The following NXPH2 variants were observed in gnomAD, a reference collection of about 807,000 sequenced individuals.
The protein encoded by NXPH2 is neurexophilin 2.
NXPH2 carries 5 observed loss-of-function variants against 19.8 expected under a neutral mutation model. The observed-to-expected ratio is 0.25, with a 90% CI of 0.13 to 0.53. The LOEUF (loss-of-function observed/expected upper bound fraction) is 0.53, where lower values mean the gene tolerates loss of function less well. NXPH2 is among the 20% of genes least tolerant of loss of function. The pLI, the probability that NXPH2 is intolerant of heterozygous loss-of-function variation, is 0.96. For missense variants in NXPH2, 289 were observed against 322.8 expected, an observed-to-expected ratio of 0.90 and a Z score of 0.80; for synonymous variants, 154 against 127.4, an observed-to-expected ratio of 1.21 and a Z score of -1.41.
At chr2:138,779,618 A>C (rs1682319305) in intron 1 of NXPH2, among the ~76,000 whole-genome samples, 1 of 152,088 alleles carries the variant, frequency 6.6e-6, no homozygotes, top group Admixed American at 6.6e-5. Flanking sequence ...GCCCCATCCC[A>C]GTCCCTAGCG....
chr2:138,762,996 G>A (rs185503861), intron 1 of NXPH2, among the ~76,000 whole-genome samples: 3 of 152,294 alleles, frequency 2.0e-5, no homozygotes, highest in Non-Finnish European at 4.4e-5. Flanking sequence ...TTATAAGCAG[G>A]TGAAGTGATG....
intron 1 of NXPH2, among the ~76,000 whole-genome samples, chr2:138,742,500 T>C (rs569859934): frequency 5.3e-5 from 8 of 152,320 alleles, no homozygotes; most frequent in Middle Eastern, 3.4e-3. Flanking sequence ...ATTTTCTCAC[T>C]AATATTTCTG....
Position 138,677,156 on chromosome 2 carries a change from C to T in NXPH2, c.52-5491G>A, listed in dbSNP as rs574687683. 1.3e-3 allele frequency among the ~76,000 whole-genome samples: 203 copies of T among 152,290 alleles called. 1 individual carries two copies. The highest frequency in any genetic ancestry group is 2.2e-3 in the Non-Finnish European group (149 of 68,020). On this transcript the variant is annotated intron_variant, in intron 1 of 1. Transcript: ENST00000272641. The stretch of plus-strand genomic sequence containing the variant: ...ATTGTTAAATGTTATTTACAAAACA[C>T]GTAGCTGTATATTCCTGGTTACTTT...
Position 138,669,933 on chromosome 2 carries a change from G to A in NXPH2, c.*989C>T, listed in dbSNP as rs1316440292. 1.3e-5 allele frequency among the ~76,000 whole-genome samples: 2 copies of A among 152,082 alleles called. No individual in the cohort carries two copies. Among genetic ancestry groups the A allele is most frequent in the Admixed American group, 1.3e-4 (2 of 15,260 alleles). On this transcript the variant is annotated 3_prime_UTR_variant, in exon 2 of 2. Transcript: ENST00000272641. ...TATTCAAATATTAACTAAATGCAAG[G>A]GGAACTTAATCTGGGAGGCTAGAAA... is the stretch of plus-strand genomic sequence containing the variant.
At chr2:138,696,448 A>T (rs528939467) in intron 1 of NXPH2, among the ~76,000 whole-genome samples, 1 of 152,328 alleles carries the variant, frequency 6.6e-6, no homozygotes, top group South Asian at 2.1e-4. Context: ...TGAGCCAAAG[A>T]AAATACATTT....
chr2:138,750,146 A>G (rs1350590276), intron 1 of NXPH2, among the ~76,000 whole-genome samples: 1 of 152,046 alleles, frequency 6.6e-6, no homozygotes. Context: ...ATAATAATGC[A>G]GATTTTTTTT....
At chr2:138,759,389 C>T (rs2104838037) in intron 1 of NXPH2, among the ~76,000 whole-genome samples, 1 of 151,320 alleles carries the variant, frequency 6.6e-6, no homozygotes, top group South Asian at 2.1e-4. Context: ...CTATTCTCTG[C>T]TCTTGGTCTA....
At chr2:138,671,936 A>G (rs1680423119) in intron 1 of NXPH2, among the ~76,000 whole-genome samples, 1 of 152,194 alleles carries the variant, frequency 6.6e-6, no homozygotes, top group Admixed American at 6.5e-5. Flanking sequence ...CTGTTTCCTG[A>G]TCTTCACAAT....
At chr2:138,705,748 G>C (rs1680998128) in intron 1 of NXPH2, among the ~76,000 whole-genome samples, 1 of 152,120 alleles carries the variant, frequency 6.6e-6, no homozygotes, top group African/African-American at 2.4e-5. Context: ...TTATTCAGTG[G>C]TCCTTGTTCT....
intron 1 of NXPH2, among the ~76,000 whole-genome samples, chr2:138,720,701 C>T (rs1265021897): frequency 1.3e-5 from 2 of 152,160 alleles, no homozygotes; most frequent in Admixed American, 6.5e-5. Flanking sequence ...CACGCACTGG[C>T]GCTGTGGCAA....
intron 1 of NXPH2, among the ~76,000 whole-genome samples, chr2:138,762,095 C>T (rs1205160716): frequency 6.6e-6 from 1 of 152,142 alleles, no homozygotes; most frequent in African/African-American, 2.4e-5. Context: ...GAGAAAGGAG[C>T]AGGTGTGAGG....
Position 138,672,871 on chromosome 2 carries a change from T to C in NXPH2, c.52-1206A>G, listed in dbSNP as rs571110994. Among the ~76,000 whole-genome samples the C allele has an allele frequency of 3.3e-5, 5 of 152,342 alleles. No homozygotes were observed. The South Asian group carries it at 1.0e-3, about 32-fold the overall frequency. ...TGAGAGACGTAGCCTGGATTATAAA[T>C]ACTGCATTTGACTAGACGGTATAGT... is the stretch of plus-strand genomic sequence containing the variant. On this transcript the variant is annotated intron_variant, in intron 1 of 1. Coordinates refer to ENST00000272641, the MANE Select transcript of NXPH2 (RefSeq NM_007226.3).
At chr2:138,773,732 A>G (rs1296103650) in intron 1 of NXPH2, among the ~76,000 whole-genome samples, 1 of 152,214 alleles carries the variant, frequency 6.6e-6, no homozygotes, top group African/African-American at 2.4e-5. Context: ...TTCTTGCATG[A>G]AAAGACTTAC....
chr2:138,672,208 T>A (rs937513402), intron 1 of NXPH2, among the ~76,000 whole-genome samples: 9 of 152,246 alleles, frequency 5.9e-5, no homozygotes, highest in Non-Finnish European at 1.2e-4. Flanking sequence ...CAAAAAAGCA[T>A]GTGATGAGGA....
chr2:138,721,728 AG>A (rs1462765860), intron 1 of NXPH2, among the ~76,000 whole-genome samples: 2 of 152,244 alleles, frequency 1.3e-5, no homozygotes, highest in African/African-American at 4.8e-5. Context: ...CGCCCTTGCT[AG>A]GCTCAGCCTC....
intron 1 of NXPH2, among the ~76,000 whole-genome samples, chr2:138,720,030 C>T (rs2104993031): frequency 6.6e-6 from 1 of 151,876 alleles, no homozygotes; most frequent in South Asian, 2.1e-4. Context: ...GGAATTCTTG[C>T]ATTTATTTTT....
chr2:138,747,031 T>C (rs1473233474), intron 1 of NXPH2, among the ~76,000 whole-genome samples: 1 of 152,182 alleles, frequency 6.6e-6, no homozygotes, highest in African/African-American at 2.4e-5. Context: ...TCAAATACAT[T>C]ATATTCCCCT....
chr2:138,671,101 C>A lies in NXPH2; in HGVS notation c.616G>T (p.Asp206Tyr). 6.2e-7 allele frequency: 1 copy of A among 1,613,862 alleles called. No homozygotes were observed. The highest frequency in any genetic ancestry group is 1.1e-5 in the South Asian group (1 of 91,044). The change falls in exon 2 of 2, where the codon GAC (aspartate) becomes TAC (tyrosine). Residue 206 changes from aspartate to tyrosine, a missense_variant. By Grantham distance (160) the Asp-to-Tyr change is radical. Coordinates refer to ENST00000272641, the MANE Select transcript of NXPH2 (RefSeq NM_007226.3). ...RAKKTALCNF[D>Y]PSKICYQEQT... ...TCCTGGTAGCAGATCTTGGATGGGT[C>A]AAAGTTGCACAGGGCGGTCTTTTTC... is the stretch of plus-strand genomic sequence containing the variant.
At chr2:138,760,049 TGTTTAAGAATCATTC>T (rs1681986402) in intron 1 of NXPH2, among the ~76,000 whole-genome samples, 2 of 152,132 alleles carry the variant, frequency 1.3e-5, no homozygotes, top group African/African-American at 4.8e-5. Flanking sequence ...TTCTATAAAG[TGTTTAAGAATCATTC>T]TGAATAAGGC....
Sources: gnomAD v4.1 joint callset for allele counts (sites outside exome capture counted in the v4.1 genomes callset) on GRCh38, gnomAD v4.1.1 for gene constraint, MANE v1.5 for transcripts, NCBI Gene and HGNC (gene_info 2026-07-23, HGNC 2026-07-21) for gene names.